GPHN: variants seen among roughly 807,000 people sequenced by gnomAD.
GPHN encodes the protein gephyrin.
Under a neutral mutation model 95.5 loss-of-function variants are expected in GPHN, and 17 were observed. That is an observed-to-expected ratio of 0.18 (90% CI 0.12 to 0.27). GPHN has a LOEUF of 0.27. Among genes scored for constraint, GPHN ranks in the 10% least tolerant of loss-of-function variants. The pLI is 1.00. For synonymous variants in GPHN, 320 were observed against 322.5 expected, an observed-to-expected ratio of 0.99 and a Z score of 0.08; for missense variants, 660 against 978.1, an observed-to-expected ratio of 0.67 and a Z score of 4.34.
chr14:67,069,108 A>G (rs1483643119), intron 11 of GPHN, among the ~76,000 whole-genome samples: 1 of 152,242 alleles, frequency 6.6e-6, no homozygotes, highest in Non-Finnish European at 1.5e-5. Context: ...ACCCTGGACA[A>G]GCTACTTAAC....
At chr14:67,432,860 T>C in the GPHN span, among the ~76,000 whole-genome samples, 1 of 152,172 alleles carries the variant, frequency 6.6e-6, no homozygotes, top group East Asian at 1.9e-4. Flanking sequence ...GTGTTTTCCC[T>C]GTCTGTGTGT....
the GPHN span, chr14:67,317,618 A>C: frequency 1.8e-6 from 1 of 541,546 alleles, no homozygotes; most frequent in African/African-American, 2.0e-5. Context: ...CCTGTGAGTA[A>C]GGCAGTGTTT....
the GPHN span, among the ~76,000 whole-genome samples, chr14:67,539,494 A>C: frequency 6.2e-4 from 95 of 152,272 alleles, no homozygotes; most frequent in South Asian, 8.9e-3. Context: ...TTAGATGAAA[A>C]GTCAGGATAC....
intron 4 of GPHN, among the ~76,000 whole-genome samples, chr14:66,860,689 CAAGACGTAAT>C (rs1421189391): frequency 1.3e-5 from 2 of 151,842 alleles, no homozygotes; most frequent in Non-Finnish European, 2.9e-5. Context: ...AACAACTTTT[CAAGACGTAAT>C]AAGACATAAA....
At chr14:66,537,981 T>C (rs7160501) in intron 1 of GPHN, among the ~76,000 whole-genome samples, 49,832 of 151,950 alleles carry the variant, frequency 0.33, 12,010 homozygotes, top group African/African-American at 0.66. Context: ...GTGGCACCAC[T>C]GTGCTCAGCT....
At chr14:66,818,185 G>A (rs1277342855) in intron 3 of GPHN, among the ~76,000 whole-genome samples, 2 of 151,930 alleles carry the variant, frequency 1.3e-5, no homozygotes, top group Non-Finnish European at 2.9e-5. Flanking sequence ...CATGAGGGTT[G>A]GTTGTACAGA....
chr14:67,261,504 T>C, the GPHN span, among the ~76,000 whole-genome samples: 6 of 152,318 alleles, frequency 3.9e-5, no homozygotes, highest in Admixed American at 3.3e-4. Context: ...CTAATTTGTA[T>C]AACAGGAGTC....
intron 1 of GPHN, among the ~76,000 whole-genome samples, chr14:66,541,842 G>A (rs766670006): frequency 6.6e-6 from 1 of 152,204 alleles, no homozygotes; most frequent in African/African-American, 2.4e-5. Flanking sequence ...TGGACAGAAT[G>A]ATGTGAATGA....
the GPHN span, among the ~76,000 whole-genome samples, chr14:67,626,081 C>T: frequency 1.2e-3 from 184 of 152,056 alleles, no homozygotes; most frequent in Non-Finnish European, 1.3e-3. Flanking sequence ...GGTGAAACTC[C>T]GTCTCTACTA....
chr14:67,327,326 A>G, the GPHN span, among the ~76,000 whole-genome samples: 1 of 152,184 alleles, frequency 6.6e-6, no homozygotes, highest in Admixed American at 6.5e-5. Context: ...TTTTAATTGT[A>G]TAAAAAACTG....
chr14:67,146,333 C>T (rs1231638753), intron 18 of GPHN, among the ~76,000 whole-genome samples: 1 of 152,184 alleles, frequency 6.6e-6, no homozygotes, highest in Admixed American at 6.5e-5. Context: ...GCCCTACATA[C>T]TCTTTTCAAA....
the GPHN span, chr14:67,727,043 G>A: frequency 1.9e-6 from 3 of 1,613,914 alleles, no homozygotes; most frequent in Admixed American, 5.0e-5. Flanking sequence ...TGCACGGGTG[G>A]TTAATGTGTC....
chr14:66,508,235 C>A lies in GPHN; in HGVS notation c.-293C>A. The A allele has an allele frequency of 1.8e-6, 1 of 546,472 alleles. No individual in the cohort carries two copies. Among genetic ancestry groups the A allele is most frequent in the Admixed American group, 3.1e-5 (1 of 31,756 alleles). 33.9% of individuals were successfully genotyped at this position (546,472 alleles called of 1,614,324 possible). A position where few individuals can be genotyped will look rare whatever the true frequency, so the allele number is the denominator to read the frequency against. On this transcript the variant is annotated 5_prime_UTR_variant, in exon 1 of 23. Transcript: ENST00000478722. ...CTCTCCGGCCTCGTTCTGCCGCCTC[C>A]GCGCGCTCTCCCCGTGCGGCCACCG...
intron 9 of GPHN, among the ~76,000 whole-genome samples, chr14:67,016,038 A>G (rs920683199): frequency 4.6e-5 from 7 of 152,158 alleles, no homozygotes; most frequent in Non-Finnish European, 1.0e-4. Context: ...CCAATTTTAT[A>G]TAATTTTCTT....
chr14:67,097,649 C>T (rs2077466813), intron 12 of GPHN, among the ~76,000 whole-genome samples: 1 of 152,094 alleles, frequency 6.6e-6, no homozygotes, highest in Admixed American at 6.5e-5. Flanking sequence ...CATGACTCTC[C>T]AGTGTAGCTC....
intron 2 of GPHN, among the ~76,000 whole-genome samples, chr14:66,696,958 TAGTTGA>T (rs1435991638): frequency 6.6e-6 from 1 of 152,254 alleles, no homozygotes; most frequent in African/African-American, 2.4e-5. Context: ...AAAGTCTGAA[TAGTTGA>T]AGTTTATTTT....
the GPHN span, among the ~76,000 whole-genome samples, chr14:67,297,410 G>C: frequency 6.6e-6 from 1 of 150,942 alleles, no homozygotes. Context: ...CTGGGTGTTA[G>C]ATAAATAGGT....
chr14:66,671,032 G>A (rs777197084), intron 1 of GPHN, among the ~76,000 whole-genome samples: 1 of 152,184 alleles, frequency 6.6e-6, no homozygotes, highest in Non-Finnish European at 1.5e-5. Context: ...TTTATGTTTA[G>A]TAGGGTTTAT....
At chr14:67,670,246 G>A in the GPHN span, among the ~76,000 whole-genome samples, 2 of 152,012 alleles carry the variant, frequency 1.3e-5, no homozygotes, top group Non-Finnish European at 2.9e-5. Context: ...ACTGCTTTAC[G>A]TCCTTTACTG....
Sources: allele counts gnomAD v4.1 joint callset (sites outside exome capture counted in the v4.1 genomes callset), GRCh38; gene constraint gnomAD v4.1.1; transcripts MANE v1.5; gene names NCBI Gene and HGNC (gene_info 2026-07-23, HGNC 2026-07-21).